CDH12: variants seen among roughly 807,000 people sequenced by gnomAD.
The protein encoded by CDH12 is cadherin 12.
Under a neutral mutation model 74.1 loss-of-function variants are expected in CDH12, and 41 were observed. The ratio of observed to expected loss-of-function variants is 0.55; its 90% CI spans 0.43 to 0.72. CDH12 has a LOEUF of 0.72. CDH12 is among the 30% of genes least tolerant of loss of function. The pLI, the probability that CDH12 is intolerant of heterozygous loss-of-function variation, is 0.00. For missense variants in CDH12, 945 were observed against 977.2 expected (o/e 0.97, Z 0.44); for synonymous variants, 399 against 355.0 (o/e 1.12, Z -1.39).
intron 6 of CDH12, among the ~76,000 whole-genome samples, chr5:21,855,058 C>G (rs759294009): frequency 2.6e-5 from 4 of 151,624 alleles, no homozygotes; most frequent in Non-Finnish European, 5.9e-5. Context: ...ATCATGATAC[C>G]TTTATTGATT....
chr5:22,196,635 A>G (rs1445011358), intron 4 of CDH12, among the ~76,000 whole-genome samples: 5 of 152,172 alleles, frequency 3.3e-5, no homozygotes, highest in Non-Finnish European at 7.4e-5. Flanking sequence ...TCATCAAAAA[A>G]GGATATCTGC....
At chr5:22,148,733 TC>T (rs1747372719) in intron 4 of CDH12, among the ~76,000 whole-genome samples, 1 of 152,166 alleles carries the variant, frequency 6.6e-6, no homozygotes, top group Non-Finnish European at 1.5e-5. Context: ...GTTGTATCAA[TC>T]CAATCTCCAA....
chr5:22,474,956 A>T (rs189921846), intron 2 of CDH12, among the ~76,000 whole-genome samples: 48 of 152,050 alleles, frequency 3.2e-4, no homozygotes, highest in East Asian at 1.7e-3. Flanking sequence ...ACAAACCTTT[A>T]TAACAGCTCT....
chr5:21,902,567 G>T (rs1453248094), intron 6 of CDH12, among the ~76,000 whole-genome samples: 1 of 152,022 alleles, frequency 6.6e-6, no homozygotes, highest in African/African-American at 2.4e-5. Context: ...AGTTAAAAGA[G>T]AATTGAAAAA....
chr5:22,112,793 C>G (rs1744887505), intron 4 of CDH12, among the ~76,000 whole-genome samples: 1 of 152,160 alleles, frequency 6.6e-6, no homozygotes, highest in South Asian at 2.1e-4. Flanking sequence ...ATTACCCACT[C>G]TGTAACCTCC....
chr5:22,256,330 A>C (rs1388428101), intron 3 of CDH12, among the ~76,000 whole-genome samples: 3 of 152,184 alleles, frequency 2.0e-5, no homozygotes, highest in Non-Finnish European at 2.9e-5. Context: ...TATATCACCT[A>C]GTGACACTGT....
chr5:22,515,345 T>C (rs1467355676), intron 1 of CDH12, among the ~76,000 whole-genome samples: 1 of 152,096 alleles, frequency 6.6e-6, no homozygotes, highest in Non-Finnish European at 1.5e-5. Context: ...AGGATTAGAA[T>C]AGCTAAGACA....
At chr5:21,830,249 T>C (rs1471321739) in intron 8 of CDH12, among the ~76,000 whole-genome samples, 2 of 141,182 alleles carry the variant, frequency 1.4e-5, no homozygotes, top group Admixed American at 7.1e-5. Context: ...TCTTTGACTC[T>C]CACTTCTCTG....
intron 3 of CDH12, among the ~76,000 whole-genome samples, chr5:22,376,936 G>T (rs1259486483): frequency 6.6e-6 from 1 of 152,038 alleles, no homozygotes. Flanking sequence ...TGTTTAGCAG[G>T]TAAACAGAAA....
intron 1 of CDH12, among the ~76,000 whole-genome samples, chr5:22,593,575 A>T (rs1000294073): frequency 6.6e-6 from 1 of 152,184 alleles, no homozygotes; most frequent in Non-Finnish European, 1.5e-5. Flanking sequence ...AAAAAATTAC[A>T]TGACTGTATT....
At chr5:22,714,179 C>T (rs1044473689) in intron 1 of CDH12, among the ~76,000 whole-genome samples, 1 of 152,174 alleles carries the variant, frequency 6.6e-6, no homozygotes, top group African/African-American at 2.4e-5. Context: ...GATTGCCTTC[C>T]TCCTCCCTAG....
At chr5:21,924,798 T>C (rs116041049) in intron 6 of CDH12, among the ~76,000 whole-genome samples, 4,681 of 152,270 alleles carry the variant, frequency 0.031, 218 homozygotes, top group African/African-American at 0.094. Context: ...ACTTACTATC[T>C]ACAATTATTC....
At chr5:21,966,697 GTAAT>G (rs1756600750) in intron 6 of CDH12, among the ~76,000 whole-genome samples, 1 of 152,044 alleles carries the variant, frequency 6.6e-6, no homozygotes, top group Admixed American at 6.6e-5. Flanking sequence ...GCCTTCCTGA[GTAAT>G]TAATTATTTG....
At chr5:22,816,743 T>TGGGA (rs1451989841) in intron 1 of CDH12, among the ~76,000 whole-genome samples, 8 of 152,160 alleles carry the variant, frequency 5.3e-5, no homozygotes, top group African/African-American at 1.7e-4. Flanking sequence ...CAGAATGAAC[T>TGGGA]CATTTGGTCC....
At chr5:22,282,166 G>A (rs1055653677) in intron 3 of CDH12, among the ~76,000 whole-genome samples, 1 of 152,094 alleles carries the variant, frequency 6.6e-6, no homozygotes, top group Non-Finnish European at 1.5e-5. Context: ...TTAATAAATG[G>A]TGTTGGGAAA....
At chr5:22,800,356 T>C (rs1748446669) in intron 1 of CDH12, among the ~76,000 whole-genome samples, 1 of 152,204 alleles carries the variant, frequency 6.6e-6, no homozygotes, top group Non-Finnish European at 1.5e-5. Context: ...GTAAGATTTC[T>C]CCTGTTGATC....
intron 3 of CDH12, among the ~76,000 whole-genome samples, chr5:22,381,844 C>T (rs1315505326): frequency 6.6e-6 from 1 of 150,938 alleles, no homozygotes; most frequent in Admixed American, 6.6e-5. Context: ...ACGAAACTGC[C>T]GTCTTAAGTC....
intron 5 of CDH12, among the ~76,000 whole-genome samples, chr5:22,037,154 A>T (rs1292761295): frequency 6.6e-6 from 1 of 152,228 alleles, no homozygotes; most frequent in African/African-American, 2.4e-5. Context: ...TGGTGGGCAA[A>T]ATAATGCCTG....
chr5:21,835,491 A>AG (rs1749481261), intron 8 of CDH12, among the ~76,000 whole-genome samples: 1 of 151,754 alleles, frequency 6.6e-6, no homozygotes, highest in Non-Finnish European at 1.5e-5. Flanking sequence ...CAAAGTGTAA[A>AG]GGTGTGTTTT....
Sources: gnomAD v4.1 joint callset for allele counts (sites outside exome capture counted in the v4.1 genomes callset) on GRCh38, gnomAD v4.1.1 for gene constraint, MANE v1.5 for transcripts, NCBI Gene and HGNC (gene_info 2026-07-23, HGNC 2026-07-21) for gene names.